RTTN: variants seen among roughly 807,000 people sequenced by gnomAD.
RTTN encodes the protein rotatin.
RTTN carries 182 observed loss-of-function variants against 269.2 expected under a neutral mutation model. The ratio of observed to expected loss-of-function variants is 0.68; its 90% confidence interval spans 0.60 to 0.76. The LOEUF is 0.76. RTTN is among the 30% of genes least tolerant of loss of function. The pLI is 0.00. For missense variants in RTTN, 2,545 were observed against 2,608.6 expected, an observed-to-expected ratio of 0.98 and a Z score of 0.53; for synonymous variants, 1,006 against 963.5, an observed-to-expected ratio of 1.04 and a Z score of -0.82.
At chr18:70,194,752 T>G (rs1288351138) in intron 7 of RTTN, 1 of 151,806 alleles carries the variant, frequency 6.6e-6, no homozygotes, top group Admixed American at 6.6e-5. Flanking sequence ...ATAGACAAAA[T>G]CAGAGACAGA....
intron 16 of RTTN, 62 bp downstream of exon 16, chr18:70,149,909 T>C: frequency 1.7e-6 from 2 of 1,170,778 alleles, no homozygotes; most frequent in Non-Finnish European, 2.6e-6. Flanking sequence ...TTGCATGCAT[T>C]TAAATCAATC....
chr18:70,176,100 G>C (rs1193955554), intron 11 of RTTN, among the ~76,000 whole-genome samples: 3 of 151,920 alleles, frequency 2.0e-5, no homozygotes, highest in Admixed American at 6.6e-5. Flanking sequence ...CGTATATTAA[G>C]ACATAATCTC....
At chr18:70,145,333 T>C (rs2060360729) in intron 18 of RTTN, among the ~76,000 whole-genome samples, 1 of 152,274 alleles carries the variant, frequency 6.6e-6, no homozygotes, top group African/African-American at 2.4e-5. Context: ...ACAATAAATA[T>C]AATGCACTTG....
At chr18:70,117,587 C>G (rs919862879) in intron 26 of RTTN, among the ~76,000 whole-genome samples, 2 of 151,876 alleles carry the variant, frequency 1.3e-5, no homozygotes, top group Admixed American at 1.3e-4. Flanking sequence ...TGTAACTGTA[C>G]CAAAAATCCT....
Position 70,190,657 on chromosome 18 carries a change from C to A in RTTN, c.1070G>T (p.Gly357Val), listed in dbSNP as rs548912432. The change falls in exon 9 of 49, where the codon GGA (glycine) becomes GTA (valine). Residue 357 changes from glycine (G) to valine (V), a missense_variant. Gly to Val is a moderately radical substitution (Grantham distance 109). Transcript: ENST00000640769. ...TTCCAGCTCTGGCAGATCTATGTGT[C>A]CCATATCCAAAGGTGAATGAACGGA... Reference protein sequence around the residue: ...RISVHSPLDMGHIDLPELETE... With the variant: ...RISVHSPLDMVHIDLPELETE... 1.2e-5 allele frequency: 20 copies of A among 1,613,320 alleles called. 1 individual carries two copies. The South Asian group carries it at 2.2e-4, about 18-fold the overall frequency.
Position 70,051,543 on chromosome 18 carries a change from C to CT in RTTN, c.5190dup (p.Glu1731ArgfsTer15). ...GTGTGATAAAAAGCTGATATTAACT[C>CT]TTTATCTATAAAATTAATCAAAACA... On this transcript the variant is annotated frameshift_variant, in exon 39 of 49. Coordinates refer to ENST00000640769, the MANE Select transcript of RTTN (RefSeq NM_173630.4). LOFTEE classifies it high-confidence loss of function. 6.3e-7 allele frequency: 1 copy of CT among 1,595,598 alleles called. No individual in the cohort carries two copies. Among genetic ancestry groups the CT allele is most frequent in the Non-Finnish European group, 8.6e-7 (1 of 1,167,964 alleles).
chr18:70,006,634 C>T (rs2056197532), intron 46 of RTTN, 150 bp from the exon 47 acceptor site: 1 of 640,832 alleles, frequency 1.6e-6, no homozygotes, highest in Admixed American at 2.5e-5. Context: ...ATCTTTTATG[C>T]CATGTGGTAT....
At chr18:70,067,406 G>T (rs891422373) in intron 34 of RTTN, among the ~76,000 whole-genome samples, 7 of 152,240 alleles carry the variant, frequency 4.6e-5, no homozygotes, top group South Asian at 4.1e-4. Context: ...TGATCCGCCC[G>T]CCTCTGCCTC....
intron 11 of RTTN, among the ~76,000 whole-genome samples, chr18:70,169,950 TC>T (rs1361167760): frequency 7.2e-5 from 11 of 152,130 alleles, no homozygotes; most frequent in African/African-American, 2.4e-4. Context: ...TACCTGAAAG[TC>T]TAAGAGCTGA....
chr18:70,141,842 A>G (rs1167002804), intron 19 of RTTN, among the ~76,000 whole-genome samples: 1 of 152,182 alleles, frequency 6.6e-6, no homozygotes, highest in African/African-American at 2.4e-5. Flanking sequence ...ACCTACCACA[A>G]AAGTATTATT....
rs78761386 is a variant in RTTN, at chr18:70,073,791, C to T, written c.4653+115G>A. 2.1e-3 allele frequency: 1,444 copies of T among 692,458 alleles called. 28 individuals are homozygous for T. In the East Asian group the frequency reaches 0.033, roughly 16 times the overall value. The allele number at this position is 692,458 out of a possible 1,614,324, so 42.9% of individuals were successfully genotyped here. A position where few individuals can be genotyped will look rare whatever the true frequency, so the allele number is the denominator to read the frequency against. The stretch of plus-strand genomic sequence containing the variant: ...TAGCAAAATTCTGCAGAAAGCACTT[C>T]GAATAAATCATAGCTGTTATAACCT... On this transcript the variant is annotated intron_variant, in intron 34 of 48. Coordinates refer to ENST00000640769, the MANE Select transcript of RTTN (RefSeq NM_173630.4).
At position 70,176,821 on chromosome 18, in the gene RTTN, C is replaced by T. The variant is rs199780405; in HGVS notation, c.1330G>A (p.Gly444Arg). Residue 444 changes from glycine (G) to arginine (R), a missense_variant, in exon 11 of 49, where the codon GGA becomes AGA. Transcript: ENST00000640769. The stretch of plus-strand genomic sequence containing the variant: ...TAGCACATGGTTTCTCCAAGGGCTC[C>T]CAACACCAGGAGTAGTTTCTCCTTC... ...DMKEKLLLVL[G>R]ALGETMCYHK... The T allele has an allele frequency of 3.6e-4, 581 of 1,613,278 alleles. 1 individual carries two copies. In the African/African-American group the frequency reaches 6.6e-3, roughly 18 times the overall value.
chr18:70,162,557 G>A (rs1409111606), intron 14 of RTTN, among the ~76,000 whole-genome samples: 1 of 152,122 alleles, frequency 6.6e-6, no homozygotes, highest in African/African-American at 2.4e-5. Context: ...CAGAGACAAT[G>A]CCAGATGTTT....
chr18:70,199,449 G>C lies in RTTN; in HGVS notation c.543C>G (p.Thr181=). The C allele has an allele frequency of 6.2e-7, 1 of 1,612,902 alleles. No individual in the cohort carries two copies. Among genetic ancestry groups the C allele is most frequent in the Non-Finnish European group, 8.5e-7 (1 of 1,179,140 alleles). ...KFSTFPWLPL[T]TTDRHVLSSN... Reference sequence around the variant, plus strand: ...AGGAGAGGACATGTCTGTCTGTGGTGGTCAGGGGTAGCCAAGGAAATGTAG... The same window carrying C: ...AGGAGAGGACATGTCTGTCTGTGGTCGTCAGGGGTAGCCAAGGAAATGTAG... The change falls in exon 5 of 49, where the codon ACC becomes ACG. Residue 181 remains threonine, a synonymous_variant. Coordinates refer to ENST00000640769, the MANE Select transcript of RTTN (RefSeq NM_173630.4).
intron 28 of RTTN, among the ~76,000 whole-genome samples, chr18:70,103,352 T>C (rs910408614): frequency 3.3e-5 from 5 of 151,752 alleles, no homozygotes; most frequent in Admixed American, 3.3e-4. Flanking sequence ...AGAGATCAGA[T>C]TGTTACTGTG....
intron 27 of RTTN, among the ~76,000 whole-genome samples, chr18:70,111,456 G>A (rs561885584): frequency 3.9e-5 from 6 of 152,278 alleles, no homozygotes; most frequent in East Asian, 1.9e-4. Context: ...CCAGCAGACC[G>A]GCAGCACATG....
intron 10 of RTTN, among the ~76,000 whole-genome samples, chr18:70,177,671 G>A (rs2061335356): frequency 6.6e-6 from 1 of 151,612 alleles, no homozygotes; most frequent in African/African-American, 2.4e-5. Flanking sequence ...CATATGAAAA[G>A]AAGAATGAGA....
chr18:70,073,922 G>A lies in RTTN; in HGVS notation c.4637C>T (p.Ser1546Phe), dbSNP rs751746919. 3 of 1,610,642 alleles carry A rather than the reference G, an allele frequency of 1.9e-6. No individual in the cohort carries two copies. In the African/African-American group the frequency reaches 4.0e-5, roughly 22 times the overall value. ...TSQDRDPSSLSTSETTVAPSL... is the reference protein window; with the variant it reads ...TSQDRDPSSLFTSETTVAPSL... ...TGCAAGTACCGTTGTTTCTGAGGTG[G>A]AGAGAGAACTTGGATCTCGATCCTG... The change falls in exon 34 of 49, where the codon TCC (serine) becomes TTC (phenylalanine). Residue 1546 changes from serine to phenylalanine, a missense_variant. Physicochemically the swap from Ser to Phe is radical, Grantham distance 155. Transcript: ENST00000640769.
At chr18:70,122,788 C>T (rs900556816) in intron 25 of RTTN, among the ~76,000 whole-genome samples, 3 of 152,018 alleles carry the variant, frequency 2.0e-5, no homozygotes, top group Non-Finnish European at 2.9e-5. Flanking sequence ...TGGCAAGTGC[C>T]GGATTATGAA....
Sources: gnomAD v4.1 joint callset for allele counts (sites outside exome capture counted in the v4.1 genomes callset) on GRCh38, gnomAD v4.1.1 for gene constraint, MANE v1.5 for transcripts, NCBI Gene and HGNC (gene_info 2026-07-23, HGNC 2026-07-21) for gene names.